EHD4: variants seen among roughly 807,000 people sequenced by gnomAD.
EHD4 encodes the protein EH domain containing 4.
A neutral mutation model predicts 51.0 loss-of-function variants in EHD4; 37 were observed. The observed-to-expected ratio is 0.73, with a 90% CI of 0.56 to 0.95. EHD4 has a LOEUF of 0.95. Ranked by LOEUF, EHD4 falls within the 40% of genes least tolerant of loss-of-function variation. The pLI, the probability that EHD4 is intolerant of heterozygous loss-of-function variation, is 0.00. For missense variants in EHD4, 632 were observed against 733.1 expected (o/e 0.86, Z 1.59); for synonymous variants, 297 against 317.3 (o/e 0.94, Z 0.68).
intron 1 of EHD4, among the ~76,000 whole-genome samples, chr15:41,971,763 G>C (rs554894357): frequency 1.3e-3 from 201 of 152,268 alleles, no homozygotes; most frequent in Admixed American, 3.5e-3. Context: ...GGGGTGGCAC[G>C]TAAAGACCTC....
rs141651270 is a variant in EHD4, at chr15:41,968,732, G to A, written c.236+3527C>T. On this transcript the variant is annotated intron_variant, in intron 1 of 5. Coordinates refer to ENST00000220325, the MANE Select transcript of EHD4 (RefSeq NM_139265.4). ...TGGCTGGCGCTAGTTGCAGAATCAT[G>A]AAAATTAAATCACATGATGCTTAGT... 3.1e-3 allele frequency among the ~76,000 whole-genome samples: 473 copies of A among 152,308 alleles called. 3 individuals are homozygous for A. The highest frequency in any genetic ancestry group is 0.011 in the African/African-American group (451 of 41,560).
At position 41,972,470 on chromosome 15, in the gene EHD4, C is replaced by CCCGA. The variant is rs2068005699; in HGVS notation, c.24_25insTCGG (p.Ala9SerfsTer102). The CCCGA allele has an allele frequency of 6.5e-7, 1 of 1,544,102 alleles. No individual in the cohort carries two copies. The highest frequency in any genetic ancestry group is 1.2e-5 in the South Asian group (1 of 82,758). On this transcript the variant is annotated frameshift_variant, in exon 1 of 6. Transcript: ENST00000220325. LOFTEE classifies it high-confidence loss of function. ...CCGCCAGCGCGTTCGCGCCCGCCCG[C>CCCGA]CTGCCGCCCCATCCAGCTGAACATC... is the stretch of plus-strand genomic sequence containing the variant.
chr15:41,965,228 T>C (rs942056554), intron 1 of EHD4, among the ~76,000 whole-genome samples: 61 of 152,344 alleles, frequency 4.0e-4, no homozygotes, highest in African/African-American at 1.2e-3. Context: ...ACCTGTACTA[T>C]AGATTATGAT....
At chr15:41,903,955 T>C (rs1193677178) in intron 5 of EHD4, among the ~76,000 whole-genome samples, 1 of 151,824 alleles carries the variant, frequency 6.6e-6, no homozygotes, top group Non-Finnish European at 1.5e-5. Flanking sequence ...CACCAAACAA[T>C]GCGGCCTGCA....
intron 2 of EHD4, among the ~76,000 whole-genome samples, chr15:41,946,166 C>T (rs1026491344): frequency 4.6e-5 from 7 of 152,220 alleles, no homozygotes; most frequent in African/African-American, 1.7e-4. Flanking sequence ...AGGATCTGTG[C>T]CTTGCCCTCT....
intron 1 of EHD4, among the ~76,000 whole-genome samples, chr15:41,957,039 A>T (rs2067892415): frequency 6.6e-6 from 1 of 152,190 alleles, no homozygotes; most frequent in African/African-American, 2.4e-5. Context: ...AGCCTTTAAA[A>T]TGGGGGTCTT....
intron 1 of EHD4, among the ~76,000 whole-genome samples, chr15:41,965,539 G>A (rs1428295196): frequency 1.3e-5 from 2 of 152,150 alleles, no homozygotes; most frequent in African/African-American, 4.8e-5. Context: ...CTAGGGGAGG[G>A]CACATAAGAA....
Position 41,972,336 on chromosome 15 carries a change from C to G in EHD4, c.159G>C (p.Leu53=). 5 of 1,611,478 alleles carry G rather than the reference C, an allele frequency of 3.1e-6. No individual in the cohort carries two copies. Among genetic ancestry groups the G allele is most frequent in the Non-Finnish European group, 4.2e-6 (5 of 1,178,882 alleles). The change falls in exon 1 of 6, where the codon CTG becomes CTC. Residue 53 remains leucine (L), a synonymous_variant. Coordinates refer to ENST00000220325, the MANE Select transcript of EHD4 (RefSeq NM_139265.4). The part of the protein sequence containing the change: ...YRFHEFHSPA[L]EDADFENKPM... ...GCTTGTTCTCGAAGTCGGCGTCCTC[C>G]AGCGCAGGCGAGTGGAACTCGTGGA...
chr15:41,963,599 C>CAA (rs763703781), intron 1 of EHD4, among the ~76,000 whole-genome samples: 5 of 62,170 alleles, frequency 8.0e-5, no homozygotes, highest in Non-Finnish European at 1.6e-4. Flanking sequence ...GAGTCTGTTT[C>CAA]AAAAAAAAAA....
At chr15:41,957,356 C>CA (rs763704950) in intron 1 of EHD4, among the ~76,000 whole-genome samples, 54 of 152,020 alleles carry the variant, frequency 3.6e-4, no homozygotes, top group Non-Finnish European at 6.9e-4. Context: ...AAAATAAACT[C>CA]AAATGGGGAT....
rs750225783 is a variant in EHD4, at chr15:41,953,843, T to G, written c.334A>C (p.Thr112Pro). ...AVMYGETEGSTPGNALVVDPK... is the reference protein window; with the variant it reads ...AVMYGETEGSPPGNALVVDPK... ...TCCACGACTAAAGCATTCCCTGGGG[T>G]GCTGCCCTCAGTCTCTCCATACATC... Residue 112 changes from threonine to proline, a missense_variant, in exon 2 of 6, where the codon ACC becomes CCC. Coordinates refer to ENST00000220325, the MANE Select transcript of EHD4 (RefSeq NM_139265.4). The G allele has an allele frequency of 1.2e-6, 2 of 1,613,856 alleles. No homozygotes were observed. The highest frequency in any genetic ancestry group is 2.7e-5 in the African/African-American group (2 of 74,866).
At chr15:41,932,241 T>C (rs866611170) in intron 3 of EHD4, among the ~76,000 whole-genome samples, 1 of 152,096 alleles carries the variant, frequency 6.6e-6, no homozygotes, top group Non-Finnish European at 1.5e-5. Flanking sequence ...AGATTTACTA[T>C]AAGTGGGAAA....
At chr15:41,953,734 G>A (rs200999190) in intron 2 of EHD4, 30 bp downstream of exon 2, 5 of 1,566,206 alleles carry the variant, frequency 3.2e-6, no homozygotes, top group Admixed American at 4.1e-5. Flanking sequence ...TAAACAGCCT[G>A]ACCGAAGATG....
intron 1 of EHD4, among the ~76,000 whole-genome samples, chr15:41,959,024 T>C (rs1343736299): frequency 1.3e-5 from 2 of 152,244 alleles, no homozygotes; most frequent in Non-Finnish European, 2.9e-5. Flanking sequence ...TGTAAGATTT[T>C]AAAAATAATA....
At chr15:41,968,238 C>T (rs893179459) in intron 1 of EHD4, among the ~76,000 whole-genome samples, 1 of 152,118 alleles carries the variant, frequency 6.6e-6, no homozygotes, top group Non-Finnish European at 1.5e-5. Context: ...CACCCCTGCC[C>T]CTTTTTTCCC....
At chr15:41,914,774 T>A (rs535695867) in intron 4 of EHD4, among the ~76,000 whole-genome samples, 1 of 142,884 alleles carries the variant, frequency 7.0e-6, no homozygotes, top group South Asian at 2.3e-4. Context: ...GCCTCATTTC[T>A]TTACAGGAGA....
rs1286317265 is a variant in EHD4, at chr15:41,903,449, TACATAC to T, written c.1090-2274_1090-2269del. Reference sequence around the variant, plus strand: ...GGGCATGCATTTCTAGCCATTAACATACATACACACACACACACACACACACACACA... The same window carrying T: ...GGGCATGCATTTCTAGCCATTAACATACACACACACACACACACACACACA... On this transcript the variant is annotated intron_variant, in intron 5 of 5. Coordinates refer to ENST00000220325, the MANE Select transcript of EHD4 (RefSeq NM_139265.4). Among the ~76,000 whole-genome samples, 7 of 102,400 alleles carry T rather than the reference TACATAC, an allele frequency of 6.8e-5. 1 individual carries two copies. In the South Asian group the frequency reaches 1.6e-3, roughly 24 times the overall value. 67.2% of individuals were successfully genotyped at this position (102,400 alleles called of 152,430 possible). A position where few individuals can be genotyped will look rare whatever the true frequency, so the allele number is the denominator to read the frequency against.
At chr15:41,927,981 T>C (rs2067673751) in intron 3 of EHD4, among the ~76,000 whole-genome samples, 1 of 152,196 alleles carries the variant, frequency 6.6e-6, no homozygotes, top group South Asian at 2.1e-4. Flanking sequence ...AAAGGGTTGT[T>C]ACTAACTAGG....
At chr15:41,961,541 AT>A (rs1304563731) in intron 1 of EHD4, among the ~76,000 whole-genome samples, 1 of 152,150 alleles carries the variant, frequency 6.6e-6, no homozygotes, top group Non-Finnish European at 1.5e-5. Context: ...GAACCCTTTT[AT>A]TTTCTTTGAA....
Sources: allele counts gnomAD v4.1 joint callset (sites outside exome capture counted in the v4.1 genomes callset), GRCh38; gene constraint gnomAD v4.1.1; transcripts MANE v1.5; gene names NCBI Gene and HGNC (gene_info 2026-07-23, HGNC 2026-07-21).